The following SOX5 variants were observed in gnomAD, a reference collection of about 807,000 sequenced individuals.
SOX5 encodes SRY-box transcription factor 5.
Under a neutral mutation model 92.0 loss-of-function variants are expected in SOX5, and 9 were observed. The ratio of observed to expected loss-of-function variants is 0.10; its 90% CI spans 0.06 to 0.17. The LOEUF (loss-of-function observed/expected upper bound fraction) is 0.17, where lower values mean the gene tolerates loss of function less well. Among genes scored for constraint, SOX5 ranks in the 10% least tolerant of loss-of-function variants. The pLI is 1.00. For synonymous variants in SOX5, 344 were observed against 336.3 expected, an observed-to-expected ratio of 1.02 and a Z score of -0.25; for missense variants, 642 against 944.5, an observed-to-expected ratio of 0.68 and a Z score of 4.20.
chr12:23,958,390 T>C (rs998351144), intron 4 of SOX5, among the ~76,000 whole-genome samples: 4 of 152,062 alleles, frequency 2.6e-5, no homozygotes, highest in Non-Finnish European at 5.9e-5. Flanking sequence ...AAAATAAACT[T>C]TTTTCATGGA....
At chr12:23,990,825 A>T (rs1767341853) in intron 4 of SOX5, among the ~76,000 whole-genome samples, 1 of 152,124 alleles carries the variant, frequency 6.6e-6, no homozygotes, top group Non-Finnish European at 1.5e-5. Context: ...GTGTTTGCTG[A>T]ACAGATGTTA....
intron 1 of SOX5, among the ~76,000 whole-genome samples, chr12:24,501,866 G>A (rs1171651263): frequency 6.6e-6 from 1 of 152,130 alleles, no homozygotes; most frequent in Non-Finnish European, 1.5e-5. Context: ...CACTGACACT[G>A]TATAATTTCT....
At chr12:23,730,436 C>T (rs1567289854) in intron 6 of SOX5, among the ~76,000 whole-genome samples, 1 of 152,118 alleles carries the variant, frequency 6.6e-6, no homozygotes, top group Non-Finnish European at 1.5e-5. Flanking sequence ...TTAAGAGTCT[C>T]ATAGAAAAGT....
At chr12:24,326,123 T>C (rs1950654479) in intron 2 of SOX5, among the ~76,000 whole-genome samples, 1 of 152,228 alleles carries the variant, frequency 6.6e-6, no homozygotes, top group Non-Finnish European at 1.5e-5. Context: ...AAATAACTTC[T>C]GTACAGCATC....
chr12:23,770,978 C>G (rs1286967439), intron 3 of SOX5, among the ~76,000 whole-genome samples: 5 of 152,012 alleles, frequency 3.3e-5, no homozygotes, highest in Admixed American at 6.6e-5. Flanking sequence ...TCAATAAAAA[C>G]AGTCTTCTCA....
At chr12:23,722,771 G>A (rs2092891557) in intron 6 of SOX5, among the ~76,000 whole-genome samples, 2 of 152,094 alleles carry the variant, frequency 1.3e-5, no homozygotes, top group African/African-American at 4.8e-5. Flanking sequence ...AACGGCTCTG[G>A]TCTTTTCTTT....
intron 6 of SOX5, among the ~76,000 whole-genome samples, chr12:23,703,947 G>A (rs1360422742): frequency 6.6e-6 from 1 of 151,936 alleles, no homozygotes; most frequent in Non-Finnish European, 1.5e-5. Flanking sequence ...AGATACTCCT[G>A]CATTCTCAGT....
In SOX5 at chr12:23,811,616, C is replaced by T. The variant is rs139966002; in HGVS notation, c.481+34367G>A. ...TCCCACTTGTGAGAAAATATATGTACATAAACTATGTTGAGAGGCAAAATT... is the reference window on the plus strand; with the variant it reads ...TCCCACTTGTGAGAAAATATATGTATATAAACTATGTTGAGAGGCAAAATT... On this transcript the variant is annotated intron_variant, in intron 3 of 14. Coordinates refer to ENST00000451604, the MANE Select transcript of SOX5 (RefSeq NM_006940.6). Among the ~76,000 whole-genome samples the T allele has an allele frequency of 2.0e-5, 3 of 152,070 alleles. No homozygotes were observed. The East Asian group carries it at 5.8e-4, about 29-fold the overall frequency.
intron 1 of SOX5, among the ~76,000 whole-genome samples, chr12:24,523,270 T>C (rs1950411614): frequency 1.3e-5 from 2 of 152,156 alleles, no homozygotes; most frequent in South Asian, 4.1e-4. Flanking sequence ...ATGGCCCATG[T>C]TCATGGATTA....
At chr12:24,493,162 A>G (rs1238462220) in intron 1 of SOX5, among the ~76,000 whole-genome samples, 2 of 152,076 alleles carry the variant, frequency 1.3e-5, no homozygotes, top group African/African-American at 4.8e-5. Flanking sequence ...TTTTCATACT[A>G]TGGGATTTTA....
chr12:23,722,448 T>A (rs1424401274), intron 6 of SOX5, among the ~76,000 whole-genome samples: 1 of 152,162 alleles, frequency 6.6e-6, no homozygotes, highest in East Asian at 1.9e-4. Context: ...TTCTGAGGCA[T>A]CCATTTGGTC....
intron 8 of SOX5, among the ~76,000 whole-genome samples, chr12:23,611,394 G>GTGTA (rs557191910): frequency 0.03 from 4,416 of 148,374 alleles, 188 homozygotes; most frequent in African/African-American, 0.086. Flanking sequence ...GTGTGTGTGT[G>GTGTA]TATTTATACA....
intron 3 of SOX5, among the ~76,000 whole-genome samples, chr12:23,798,165 T>C (rs2142089923): frequency 6.6e-6 from 1 of 152,140 alleles, no homozygotes; most frequent in Non-Finnish European, 1.5e-5. Flanking sequence ...ATTATATTTT[T>C]AATCTGATTA....
At chr12:23,817,189 A>C (rs1449056206) in intron 3 of SOX5, among the ~76,000 whole-genome samples, 1 of 152,222 alleles carries the variant, frequency 6.6e-6, no homozygotes, top group Non-Finnish European at 1.5e-5. Context: ...CATGAATCAA[A>C]AATTTACAAA....
intron 1 of SOX5, among the ~76,000 whole-genome samples, chr12:24,406,731 T>C (rs1332677699): frequency 6.6e-6 from 1 of 152,160 alleles, no homozygotes; most frequent in Non-Finnish European, 1.5e-5. Flanking sequence ...CAGAGGACTT[T>C]TTTTTAAAAT....
At chr12:23,623,771 G>A (rs901559670) in intron 8 of SOX5, among the ~76,000 whole-genome samples, 1 of 151,826 alleles carries the variant, frequency 6.6e-6, no homozygotes, top group Admixed American at 6.6e-5. Flanking sequence ...ACATCCATTA[G>A]GATAACAATC....
chr12:24,115,399 A>C (rs1360629138), intron 4 of SOX5, among the ~76,000 whole-genome samples: 1 of 152,214 alleles, frequency 6.6e-6, no homozygotes, highest in Non-Finnish European at 1.5e-5. Context: ...TTTGACACAT[A>C]AAATCTCCGA....
intron 4 of SOX5, among the ~76,000 whole-genome samples, chr12:24,020,819 T>G (rs568348509): frequency 9.8e-5 from 15 of 152,322 alleles, no homozygotes; most frequent in African/African-American, 2.9e-4. Context: ...TCACTGGACC[T>G]GAGAGACGGC....
At chr12:23,683,258 G>T (rs920798773) in intron 6 of SOX5, among the ~76,000 whole-genome samples, 3 of 151,782 alleles carry the variant, frequency 2.0e-5, no homozygotes, top group Non-Finnish European at 4.4e-5. Flanking sequence ...TAGTTATTCT[G>T]CTTGTGTCTG....
Sources: gnomAD v4.1 joint callset for allele counts (sites outside exome capture counted in the v4.1 genomes callset) on GRCh38, gnomAD v4.1.1 for gene constraint, MANE v1.5 for transcripts, NCBI Gene and HGNC (gene_info 2026-07-23, HGNC 2026-07-21) for gene names.